CDS1: variants seen among roughly 807,000 people sequenced by gnomAD.
CDS1 encodes CDP-diacylglycerol synthase 1.
CDS1 carries 41 observed loss-of-function variants against 62.1 expected under a neutral mutation model. The ratio of observed to expected loss-of-function variants is 0.66; its 90% CI spans 0.51 to 0.86. CDS1 has a LOEUF of 0.86. Among genes scored for constraint, CDS1 ranks in the 40% least tolerant of loss-of-function variants. The probability of loss-of-function intolerance (pLI) is 0.00; values close to 1 mark genes in which losing one functional copy is unlikely to be tolerated. For synonymous variants in CDS1, 185 were observed against 192.6 expected (o/e 0.96, Z 0.32); for missense variants, 470 against 550.1 (o/e 0.85, Z 1.46).
intron 3 of CDS1, among the ~76,000 whole-genome samples, chr4:84,609,806 T>C (rs188566748): frequency 1.2e-4 from 18 of 152,266 alleles, no homozygotes; most frequent in Middle Eastern, 6.8e-3. Flanking sequence ...ATCAAAGATA[T>C]GACATGAGCC....
chr4:84,594,938 C>T (rs924083706), intron 1 of CDS1, among the ~76,000 whole-genome samples: 4 of 152,070 alleles, frequency 2.6e-5, no homozygotes, highest in Non-Finnish European at 2.9e-5. Flanking sequence ...AGGCTGGTCT[C>T]AAACTCCTTG....
intron 3 of CDS1, among the ~76,000 whole-genome samples, chr4:84,615,210 T>C (rs1274594211): frequency 6.6e-6 from 1 of 152,042 alleles, no homozygotes; most frequent in Non-Finnish European, 1.5e-5. Context: ...CTCAATTTCC[T>C]CACGCACCAT....
intron 5 of CDS1, among the ~76,000 whole-genome samples, chr4:84,631,083 T>A (rs1295772146): frequency 6.6e-6 from 1 of 152,230 alleles, no homozygotes; most frequent in African/African-American, 2.4e-5. Context: ...AATCTTTACA[T>A]TATTAAGAGT....
intron 12 of CDS1, among the ~76,000 whole-genome samples, chr4:84,646,446 T>G (rs903734063): frequency 3.3e-5 from 5 of 152,346 alleles, no homozygotes; most frequent in African/African-American, 1.2e-4. Flanking sequence ...AATTTATCCA[T>G]TGAAGACTAT....
chr4:84,635,629 T>TGCCTGCCTGCCTTCCTG (rs1560481593), intron 8 of CDS1, among the ~76,000 whole-genome samples: 1 of 42,922 alleles, frequency 2.3e-5, no homozygotes, highest in Non-Finnish European at 4.6e-5. Context: ...CTGCCTGCCT[T>TGCCTGCCTGCCTTCCTG]CCTTCCTTCC....
intron 1 of CDS1, among the ~76,000 whole-genome samples, chr4:84,593,828 GAA>G (rs1366692287): frequency 6.6e-6 from 1 of 152,108 alleles, no homozygotes; most frequent in African/African-American, 2.4e-5. Context: ...AAGGAAAAAA[GAA>G]AAGGCAGATC....
chr4:84,620,219 G>GTTTTT (rs1209622035), intron 5 of CDS1, among the ~76,000 whole-genome samples: 25 of 110,288 alleles, frequency 2.3e-4, no homozygotes, highest in African/African-American at 3.4e-4. Context: ...GTAATTAGTT[G>GTTTTT]TTTTTTTTTT....
chr4:84,642,940 A>C, intron 10 of CDS1, 84 bp from the exon 11 acceptor site: 1 of 1,331,898 alleles, frequency 7.5e-7, no homozygotes, highest in African/African-American at 1.5e-5. Context: ...TACTATTTAC[A>C]CAATGGTTCT....
intron 5 of CDS1, among the ~76,000 whole-genome samples, chr4:84,620,988 A>C (rs1191463653): frequency 6.6e-6 from 1 of 150,658 alleles, no homozygotes; most frequent in Non-Finnish European, 1.5e-5. Context: ...TGAACCCGGG[A>C]GGCGGAGGTT....
At chr4:84,612,988 CAAAAAA>C (rs779175772) in intron 3 of CDS1, among the ~76,000 whole-genome samples, 2 of 60,626 alleles carry the variant, frequency 3.3e-5, no homozygotes, top group Non-Finnish European at 6.8e-5. Flanking sequence ...GATCCTGTCT[CAAAAAA>C]AAAAAAAAAA....
chr4:84,604,642 G>A lies in CDS1; in HGVS notation c.245+272G>A, dbSNP rs569699064. 2.6e-5 allele frequency among the ~76,000 whole-genome samples: 4 copies of A among 152,304 alleles called. No individual in the cohort carries two copies. In the South Asian group the frequency reaches 6.2e-4, roughly 24 times the overall value. Reference sequence around the variant, plus strand: ...AGACCTGGGATTCTTGCCTTGGGCTGTCAGATTCTGAAGCCTGTGATCTAT... The same window carrying A: ...AGACCTGGGATTCTTGCCTTGGGCTATCAGATTCTGAAGCCTGTGATCTAT... On this transcript the variant is annotated intron_variant, in intron 2 of 12. Transcript: ENST00000295887.
At chr4:84,612,637 T>C (rs889447644) in intron 3 of CDS1, among the ~76,000 whole-genome samples, 1 of 152,210 alleles carries the variant, frequency 6.6e-6, no homozygotes, top group Non-Finnish European at 1.5e-5. Flanking sequence ...AAGGAAAATA[T>C]GATCTTATTA....
chr4:84,640,081 G>A (rs988745313), intron 9 of CDS1, among the ~76,000 whole-genome samples: 5 of 148,564 alleles, frequency 3.4e-5, no homozygotes, highest in South Asian at 2.1e-4. Flanking sequence ...AGCATGTAAT[G>A]CATGACAAAA....
intron 5 of CDS1, among the ~76,000 whole-genome samples, chr4:84,626,745 G>T (rs949671634): frequency 3.4e-4 from 52 of 152,308 alleles, no homozygotes; most frequent in African/African-American, 1.2e-3. Context: ...CACCCATGGT[G>T]TACCTCTCTT....
chr4:84,590,078 T>G (rs987025540), intron 1 of CDS1, among the ~76,000 whole-genome samples: 1 of 152,224 alleles, frequency 6.6e-6, no homozygotes, highest in African/African-American at 2.4e-5. Context: ...CCCAAAGTGC[T>G]GGGATTACAG....
chr4:84,619,042 T>TACACACAC (rs1491302704), intron 4 of CDS1, among the ~76,000 whole-genome samples: 2 of 97,662 alleles, frequency 2.0e-5, no homozygotes, highest in African/African-American at 7.9e-5. Flanking sequence ...GTATTAAATT[T>TACACACAC]ATACACACAC....
rs770234418 is a variant in CDS1 at position 84,640,994 on chromosome 4, C to T, written c.1032+4C>T. ...TCTAAAGGCAGTCTTGAGACAGGTA[C>T]AGTAAAAGTTCAAGATAAACATGGT... On this transcript the variant is annotated splice_donor_region_variant and intron_variant, in intron 10 of 12. Transcript: ENST00000295887. 1 of 1,546,070 alleles carries T rather than the reference C, an allele frequency of 6.5e-7. No individual in the cohort carries two copies. The highest frequency in any genetic ancestry group is 8.7e-7 in the Non-Finnish European group (1 of 1,147,562).
At chr4:84,611,752 A>G (rs1401534834) in intron 3 of CDS1, among the ~76,000 whole-genome samples, 2 of 152,200 alleles carry the variant, frequency 1.3e-5, no homozygotes, top group Admixed American at 6.5e-5. Context: ...AAAATGGATA[A>G]TAAATAGGAC....
intron 2 of CDS1, among the ~76,000 whole-genome samples, chr4:84,607,721 C>A (rs12504451): frequency 5.9e-5 from 9 of 151,902 alleles, no homozygotes; most frequent in Non-Finnish European, 1.2e-4. Context: ...GATAGTAAGA[C>A]CCTGTCTCTA....
Sources: allele counts gnomAD v4.1 joint callset (sites outside exome capture counted in the v4.1 genomes callset), GRCh38; gene constraint gnomAD v4.1.1; transcripts MANE v1.5; gene names NCBI Gene and HGNC (gene_info 2026-07-23, HGNC 2026-07-21).